Variants in ZC3H12B observed in about 807,000 individuals in gnomAD.
ZC3H12B encodes the protein zinc finger CCCH-type containing 12B.
In ZC3H12B, 7 loss-of-function variants were observed where a neutral mutation model predicts 43.9. That is an observed-to-expected ratio of 0.16 (90% CI 0.09 to 0.30). The LOEUF is 0.30. Ranked by LOEUF, ZC3H12B falls within the 10% of genes least tolerant of loss-of-function variation. ZC3H12B has a pLI of 1.00. For missense variants in ZC3H12B, 475 were observed against 670.2 expected, an observed-to-expected ratio of 0.71 and a Z score of 3.22; for synonymous variants, 222 against 241.7, an observed-to-expected ratio of 0.92 and a Z score of 0.76.
At chrX:65,089,437 TACCATGAATGGA>T in the ZC3H12B span, among the ~76,000 whole-genome samples, 1 of 111,982 alleles carries the variant, frequency 8.9e-6, no homozygotes, top group East Asian at 2.8e-4. Flanking sequence ...ATAGGATACC[TACCATGAATGGA>T]GCTTGCAGAA....
the ZC3H12B span, among the ~76,000 whole-genome samples, chrX:65,058,661 C>G: frequency 1.8e-5 from 2 of 112,051 alleles, no homozygotes; most frequent in Non-Finnish European, 3.8e-5. Flanking sequence ...TCGGCTGTGC[C>G]CTGCCCACAG....
At chrX:65,155,306 T>C in the ZC3H12B span, among the ~76,000 whole-genome samples, 2 of 110,352 alleles carry the variant, frequency 1.8e-5, no homozygotes, top group African/African-American at 6.6e-5. Flanking sequence ...AATTTTATTA[T>C]ATGCTTTCTC....
intron 2 of ZC3H12B, among the ~76,000 whole-genome samples, chrX:65,398,090 T>A (rs955844744): frequency 3.6e-5 from 4 of 111,704 alleles, no homozygotes; most frequent in Admixed American, 9.5e-5. Context: ...AATTTTTTTT[T>A]AAATTAAACA....
chrX:65,144,822 G>A, the ZC3H12B span, among the ~76,000 whole-genome samples: 1 of 111,370 alleles, frequency 9.0e-6, no homozygotes, highest in African/African-American at 3.3e-5. Context: ...TTCCACTGTG[G>A]TCTGAGAGAG....
At chrX:65,439,612 G>T (rs1351283411) in intron 3 of ZC3H12B, among the ~76,000 whole-genome samples, 1 of 112,168 alleles carries the variant, frequency 8.9e-6, no homozygotes, top group Non-Finnish European at 1.9e-5. Context: ...AGATCAGAAA[G>T]CATGTGTTAC....
chrX:65,170,320 T>A, the ZC3H12B span, among the ~76,000 whole-genome samples: 44 of 111,901 alleles, frequency 3.9e-4, 1 homozygote, highest in Non-Finnish European at 7.5e-5. Flanking sequence ...TATGAAATTC[T>A]GGGTTGAAAA....
In ZC3H12B at chrX:65,466,020, A is replaced by G. The variant is rs931292990; in HGVS notation, n.408-22626A>G. Among the ~76,000 whole-genome samples, 6 of 110,499 alleles carry G rather than the reference A, an allele frequency of 5.4e-5. No homozygotes were observed. In the Admixed American group the frequency reaches 5.9e-4, roughly 11 times the overall value. ...TTTATATGTGATGAGCACACTTGAA[A>G]TCTACCCTCTGAGCAAATTTCAAGT... is the stretch of plus-strand genomic sequence containing the variant. On this transcript the variant is annotated intron_variant and non_coding_transcript_variant, in intron 3 of 5. Transcript: ENST00000617377.
the ZC3H12B span, among the ~76,000 whole-genome samples, chrX:65,254,804 C>T: frequency 2.3e-3 from 260 of 110,917 alleles, 1 homozygote; most frequent in African/African-American, 8.1e-3. Flanking sequence ...TCCAGGAATT[C>T]TAAGAAATAC....
At chrX:65,433,799 C>T (rs1173704461) in intron 3 of ZC3H12B, among the ~76,000 whole-genome samples, 2 of 111,944 alleles carry the variant, frequency 1.8e-5, no homozygotes, top group Non-Finnish European at 3.8e-5. Context: ...TGCTCTTCAT[C>T]ATGAGGAGCT....
chrX:65,211,743 T>G, the ZC3H12B span, among the ~76,000 whole-genome samples: 3 of 85,164 alleles, frequency 3.5e-5, no homozygotes, highest in African/African-American at 1.3e-4. Context: ...AATATATATA[T>G]TATATAATAT....
the ZC3H12B span, among the ~76,000 whole-genome samples, chrX:65,310,490 C>T: frequency 6.9e-4 from 77 of 110,870 alleles, no homozygotes; most frequent in African/African-American, 2.2e-3. Context: ...AACTGCTCAA[C>T]GGAATAAAAG....
intron 3 of ZC3H12B, among the ~76,000 whole-genome samples, chrX:65,457,157 G>A (rs959022154): frequency 1.1e-3 from 89 of 84,341 alleles, no homozygotes; most frequent in Non-Finnish European, 1.2e-3. Flanking sequence ...GGTGAGGAGC[G>A]TCTCTGCCCG....
the ZC3H12B span, among the ~76,000 whole-genome samples, chrX:65,310,380 A>C: frequency 8.9e-6 from 1 of 111,790 alleles, no homozygotes; most frequent in Non-Finnish European, 1.9e-5. Flanking sequence ...GAGCCAAATC[A>C]TGAGTGAACT....
the ZC3H12B span, among the ~76,000 whole-genome samples, chrX:65,038,186 G>T: frequency 5.4e-5 from 6 of 111,202 alleles, no homozygotes; most frequent in Admixed American, 1.9e-4. Flanking sequence ...AGAATTCACA[G>T]ATTTACTCTG....
At chrX:65,284,659 G>A in the ZC3H12B span, among the ~76,000 whole-genome samples, 4 of 110,887 alleles carry the variant, frequency 3.6e-5, no homozygotes, top group African/African-American at 9.9e-5. Context: ...TACTTGGGAG[G>A]CTGAGGCAGG....
chrX:65,148,514 G>A, the ZC3H12B span, among the ~76,000 whole-genome samples: 1 of 111,094 alleles, frequency 9.0e-6, no homozygotes, highest in African/African-American at 3.3e-5. Flanking sequence ...GGTTGGGCTT[G>A]GAGGCTCAGT....
chrX:65,382,667 G>C (rs952820816), intron 2 of ZC3H12B, among the ~76,000 whole-genome samples: 193 of 111,158 alleles, frequency 1.7e-3, no homozygotes, highest in African/African-American at 5.6e-3. Flanking sequence ...CAAATTGTCC[G>C]TGTTTGCAGA....
chrX:65,160,714 C>A, the ZC3H12B span, among the ~76,000 whole-genome samples: 3 of 111,248 alleles, frequency 2.7e-5, no homozygotes, highest in South Asian at 1.1e-3. Context: ...AAAACCAGTG[C>A]CTGGATTAAT....
At chrX:65,153,179 A>G in the ZC3H12B span, among the ~76,000 whole-genome samples, 2 of 112,223 alleles carry the variant, frequency 1.8e-5, no homozygotes, top group Admixed American at 9.5e-5. Flanking sequence ...ATGGGCAAGG[A>G]CTTAATGTCT....
Sources: gnomAD v4.1 joint callset for allele counts (sites outside exome capture counted in the v4.1 genomes callset) on GRCh38, gnomAD v4.1.1 for gene constraint, MANE v1.5 for transcripts, NCBI Gene and HGNC (gene_info 2026-07-23, HGNC 2026-07-21) for gene names.